SUCO: variants seen among roughly 807,000 people sequenced by gnomAD.
The protein encoded by SUCO is SUN domain containing ossification factor, also known as SUN domain-containing ossification factor.
SUCO carries 57 observed loss-of-function variants against 148.1 expected under a neutral mutation model. That is an observed-to-expected ratio of 0.38 (90% CI 0.31 to 0.48). SUCO has a LOEUF of 0.48. Among genes scored for constraint, SUCO ranks in the 20% least tolerant of loss-of-function variants. SUCO has a pLI of 0.96. For synonymous variants in SUCO, 470 were observed against 502.7 expected, an observed-to-expected ratio of 0.93 and a Z score of 0.87; for missense variants, 1,331 against 1,468.2, an observed-to-expected ratio of 0.91 and a Z score of 1.53.
intron 1 of SUCO, chr1:172,543,041 A>C (rs1558170579): frequency 7.7e-6 from 7 of 906,630 alleles, no homozygotes; most frequent in Non-Finnish European, 7.8e-6. Context: ...AGAGTACATA[A>C]AAAAAAAAAA....
intron 2 of SUCO, 82 bp downstream of exon 2, chr1:172,551,708 C>A: frequency 1.2e-6 from 1 of 836,158 alleles, no homozygotes; most frequent in Non-Finnish European, 1.8e-6. Flanking sequence ...AAAGTAATTT[C>A]AAAAATGCCA....
chr1:172,570,772 A>G (rs552360801), intron 9 of SUCO, 42 bp downstream of exon 9: 7 of 1,158,926 alleles, frequency 6.0e-6, no homozygotes, highest in African/African-American at 1.5e-5. Context: ...CTACATATAT[A>G]TGCATATTAT....
intron 23 of SUCO, 89 bp from the exon 24 acceptor site, chr1:172,609,727 G>A: frequency 1.3e-6 from 2 of 1,509,796 alleles, no homozygotes; most frequent in Non-Finnish European, 1.8e-6. Context: ...CCAGGAGGTG[G>A]CACTTCTCTA....
intron 2 of SUCO, 135 bp from the exon 3 acceptor site, chr1:172,553,125 A>G (rs993921692): frequency 2.1e-6 from 2 of 969,602 alleles, no homozygotes; most frequent in Non-Finnish European, 2.8e-6. Flanking sequence ...TTGTATACAA[A>G]TGAAATTAAT....
At position 172,533,275 on chromosome 1, in the gene SUCO, C is replaced by T; in HGVS notation, c.-161C>T. The T allele has an allele frequency of 6.5e-7, 1 of 1,549,574 alleles. No individual in the cohort carries two copies. The highest frequency in any genetic ancestry group is 8.7e-7 in the Non-Finnish European group (1 of 1,146,920). ...CTGTGGGGCCCTCAGAGAGGGCTGCCAGGACGCGAGCCACTGAGGAGCCGC... is the reference window on the plus strand; with the variant it reads ...CTGTGGGGCCCTCAGAGAGGGCTGCTAGGACGCGAGCCACTGAGGAGCCGC... On this transcript the variant is annotated 5_prime_UTR_variant, in exon 1 of 24. Coordinates refer to ENST00000263688, the MANE Select transcript of SUCO (RefSeq NM_014283.5).
rs1656453274 is a variant in SUCO, at chr1:172,589,251, A to T, written c.2150A>T (p.Asp717Val). 2 of 1,613,926 alleles carry T rather than the reference A, an allele frequency of 1.2e-6. No individual in the cohort carries two copies. Among genetic ancestry groups the T allele is most frequent in the Middle Eastern group, 1.7e-4 (1 of 6,060 alleles). Residue 717 changes from aspartate (D) to valine (V), a missense_variant, in exon 18 of 24, where the codon GAT becomes GTT. Coordinates refer to ENST00000263688, the MANE Select transcript of SUCO (RefSeq NM_014283.5). ...GATGACTTGGTGAATCACACTGTAG[A>T]TGCAGTTGAACTTGAACCAAGCCAT... ...HQDDLVNHTVDAVELEPSHSQ... is the reference protein window; with the variant it reads ...HQDDLVNHTVVAVELEPSHSQ...
At chr1:172,582,337 C>T in intron 15 of SUCO, among the ~76,000 whole-genome samples, 1 of 152,018 alleles carries the variant, frequency 6.6e-6, no homozygotes, top group Non-Finnish European at 1.5e-5. Flanking sequence ...GTTGGTTTAT[C>T]TTCTGTTGTA....
chr1:172,606,407 A>C (rs1657870839), intron 22 of SUCO, among the ~76,000 whole-genome samples: 1 of 151,630 alleles, frequency 6.6e-6, no homozygotes, highest in African/African-American at 2.4e-5. Context: ...GTTACCCTAG[A>C]AGTCAGAAGT....
intron 16 of SUCO, among the ~76,000 whole-genome samples, 167 bp from the exon 17 acceptor site, chr1:172,585,691 T>C (rs1413977553): frequency 6.6e-6 from 1 of 152,218 alleles, no homozygotes; most frequent in Admixed American, 6.5e-5. Context: ...CTTGTGATCT[T>C]ATATGATCAT....
intron 9 of SUCO, among the ~76,000 whole-genome samples, chr1:172,571,284 C>T (rs1654953542): frequency 6.6e-6 from 1 of 152,244 alleles, no homozygotes; most frequent in African/African-American, 2.4e-5. Flanking sequence ...TGGTCTCCAG[C>T]TCCTAACTGC....
Position 172,550,896 on chromosome 1 carries a change from A to T in SUCO, c.63-616A>T, listed in dbSNP as rs1483484633. ...CAAGTTGATTTTATTATGTTGGACT[A>T]GTTTTGAATGTCAGAGCTTAACTCT... On this transcript the variant is annotated intron_variant, in intron 1 of 23. Coordinates refer to ENST00000263688, the MANE Select transcript of SUCO (RefSeq NM_014283.5). 4 of 977,354 alleles carry T rather than the reference A, an allele frequency of 4.1e-6. No homozygotes were observed. In the Admixed American group the frequency reaches 2.5e-4, roughly 60 times the overall value. 60.5% of individuals were successfully genotyped at this position (977,354 alleles called of 1,614,324 possible). A position where few individuals can be genotyped will look rare whatever the true frequency, so the allele number is the denominator to read the frequency against.
rs184586201 is a variant in SUCO at position 172,577,355 on chromosome 1, T to C, written c.1264-184T>C. On this transcript the variant is annotated intron_variant, in intron 11 of 23. Coordinates refer to ENST00000263688, the MANE Select transcript of SUCO (RefSeq NM_014283.5). ...TTTAGATTATACTCTCAGGTAGTGA[T>C]GGCAAAAATTTAAATCATTGCTTTT... Among the ~76,000 whole-genome samples the C allele has an allele frequency of 1.9e-3, 296 of 151,884 alleles. 4 individuals carry two copies. Among genetic ancestry groups the C allele is most frequent in the Non-Finnish European group, 3.5e-4 (24 of 67,622 alleles).
intron 11 of SUCO, among the ~76,000 whole-genome samples, chr1:172,576,292 C>T (rs1431799312): frequency 6.6e-6 from 1 of 151,520 alleles, no homozygotes; most frequent in Admixed American, 6.6e-5. Context: ...AATATTATGA[C>T]ATTTTTGGAA....
intron 1 of SUCO, among the ~76,000 whole-genome samples, chr1:172,540,886 AAG>A (rs1450760905): frequency 1.3e-5 from 2 of 152,152 alleles, no homozygotes; most frequent in African/African-American, 4.8e-5. Flanking sequence ...CCTGAGGAGA[AAG>A]AGAGAGATTT....
chr1:172,575,701 TAGAAATC>T, intron 11 of SUCO, 78 bp downstream of exon 11: 1 of 961,450 alleles, frequency 1.0e-6, no homozygotes, highest in Non-Finnish European at 1.6e-6. Flanking sequence ...CTCATCTTTT[TAGAAATC>T]AGAAAAGTTA....
chr1:172,566,171 A>G (rs573697997), intron 6 of SUCO, among the ~76,000 whole-genome samples: 2 of 152,330 alleles, frequency 1.3e-5, no homozygotes, highest in East Asian at 1.9e-4. Context: ...ATGACTCTCA[A>G]AAGAGCTTTT....
At chr1:172,594,613 G>GT (rs1167930084) in intron 19 of SUCO, among the ~76,000 whole-genome samples, 2 of 152,102 alleles carry the variant, frequency 1.3e-5, no homozygotes, top group East Asian at 3.8e-4. Context: ...TTAATCCTGA[G>GT]TTCTAATTCG....
At chr1:172,574,099 T>A in intron 10 of SUCO, 101 bp downstream of exon 10, 1 of 677,354 alleles carries the variant, frequency 1.5e-6, no homozygotes, top group Non-Finnish European at 2.6e-6. Flanking sequence ...TCAGTCCATT[T>A]ATTTTTTAAA....
At chr1:172,533,641 C>G (rs113565021) in intron 1 of SUCO, 144 bp downstream of exon 1, 2 of 1,081,362 alleles carry the variant, frequency 1.8e-6, no homozygotes, top group Non-Finnish European at 2.6e-6. Flanking sequence ...TACTTCTCGA[C>G]TCTCCATCTG....
Sources: gnomAD v4.1 joint callset for allele counts (sites outside exome capture counted in the v4.1 genomes callset) on GRCh38, gnomAD v4.1.1 for gene constraint, MANE v1.5 for transcripts, NCBI Gene and HGNC (gene_info 2026-07-23, HGNC 2026-07-21) for gene names.